Variants in SLIT2 observed in about 807,000 individuals in gnomAD.
SLIT2 encodes slit homolog 2 protein.
A neutral mutation model predicts 185.7 loss-of-function variants in SLIT2; 41 were observed. That is an observed-to-expected ratio of 0.22 (90% CI 0.17 to 0.29). SLIT2 has a LOEUF of 0.29. SLIT2 is among the 10% of genes least tolerant of loss of function. The pLI is 1.00. For missense variants in SLIT2, 1,571 were observed against 1,909.0 expected (o/e 0.82, Z 3.30); for synonymous variants, 693 against 680.2 (o/e 1.02, Z -0.29).
At chr4:20,513,943 G>T (rs1229715867) in intron 11 of SLIT2, among the ~76,000 whole-genome samples, 1 of 152,046 alleles carries the variant, frequency 6.6e-6, no homozygotes, top group East Asian at 1.9e-4. Context: ...GAGAGTAGTG[G>T]GTGCTTGAAA....
intron 4 of SLIT2, among the ~76,000 whole-genome samples, chr4:20,361,193 A>G (rs1722714375): frequency 6.6e-6 from 1 of 152,084 alleles, no homozygotes; most frequent in African/African-American, 2.4e-5. Flanking sequence ...GTCTCCAGAA[A>G]TTTCTTAGAG....
At chr4:20,618,716 A>C in intron 36 of SLIT2, 52 bp from the exon 37 acceptor site, 1 of 1,512,500 alleles carries the variant, frequency 6.6e-7, no homozygotes, top group Non-Finnish European at 8.9e-7. Flanking sequence ...GTCACTCTGC[A>C]TGACTTACAG....
At position 20,610,006 on chromosome 4, in the gene SLIT2, G is replaced by A. The variant is rs3733510; in HGVS notation, c.3693-7G>A. The A allele has an allele frequency of 0.044, 69,964 of 1,588,342 alleles. 2,249 individuals are homozygous for A. The highest frequency in any genetic ancestry group is 0.13 in the East Asian group (5,844 of 44,034). ...GGAAGAATCAGCCATTTTTTTTTCC[G>A]TTGTAGTGTGGAGACAATCAATGAT... On this transcript the variant is annotated splice_region_variant and splice_polypyrimidine_tract_variant and intron_variant, in intron 33 of 36. Transcript: ENST00000504154.
chr4:20,374,037 T>A (rs1202546387), intron 4 of SLIT2, among the ~76,000 whole-genome samples: 1 of 152,126 alleles, frequency 6.6e-6, no homozygotes, highest in African/African-American at 2.4e-5. Flanking sequence ...CAATTTAAAC[T>A]GCCTAAGTGT....
Position 20,567,367 on chromosome 4 carries a change from C to T in SLIT2, c.2831C>T (p.Thr944Ile), listed in dbSNP as rs764160355. The change falls in exon 27 of 37, where the codon ACC becomes ATC. Residue 944 changes from threonine to isoleucine, a missense_variant. This residue lies in a region of SLIT2 where 1,202 missense variants were observed against 1,416.4 expected (regional missense o/e 0.85). Transcript: ENST00000504154. ...GATCCAGTTGACTTTTACCGATGCA[C>T]CTGTCCATATGGTTTCAAGGTAAGT... ...NSDPVDFYRC[T>I]CPYGFKGQDC... 7 of 1,613,020 alleles carry T rather than the reference C, an allele frequency of 4.3e-6. No homozygotes were observed. The highest frequency in any genetic ancestry group is 2.7e-5 in the African/African-American group (2 of 74,808).
In SLIT2 at chr4:20,257,939, TGTAA is replaced by T. The variant is rs752439531; in HGVS notation, c.323+4_323+7del. On this transcript the variant is annotated splice_donor_variant and splice_donor_region_variant and intron_variant, in intron 3 of 36. Transcript: ENST00000504154. LOFTEE classifies it high-confidence loss of function. ...CAGGATCTTAAAGAACTAGAGAGAC[TGTAA>T]GTATTTTCAATTCCAAAGTTATGAC... is the stretch of plus-strand genomic sequence containing the variant. 5 of 1,418,904 alleles carry T rather than the reference TGTAA, an allele frequency of 3.5e-6. No homozygotes were observed. In the African/African-American group the frequency reaches 5.7e-5, roughly 16 times the overall value. 87.9% of individuals were successfully genotyped at this position (1,418,904 alleles called of 1,614,324 possible). A position where few individuals can be genotyped will look rare whatever the true frequency, so the allele number is the denominator to read the frequency against.
intron 4 of SLIT2, among the ~76,000 whole-genome samples, chr4:20,364,492 T>C (rs1000107704): frequency 6.6e-6 from 1 of 152,124 alleles, no homozygotes; most frequent in Non-Finnish European, 1.5e-5. Flanking sequence ...GTAACCATAC[T>C]CTAATAGTTT....
At chr4:20,266,512 C>A (rs1713052187) in intron 3 of SLIT2, among the ~76,000 whole-genome samples, 1 of 151,916 alleles carries the variant, frequency 6.6e-6, no homozygotes, top group Non-Finnish European at 1.5e-5. Context: ...AATGTAAATG[C>A]TAGGGCCTTG....
intron 31 of SLIT2, among the ~76,000 whole-genome samples, 184 bp from the exon 32 acceptor site, chr4:20,596,227 ATGAG>A (rs1727967776): frequency 6.6e-6 from 1 of 152,184 alleles, no homozygotes; most frequent in Non-Finnish European, 1.5e-5. Context: ...TTTAGACAGG[ATGAG>A]TAAGTTTGGA....
intron 4 of SLIT2, among the ~76,000 whole-genome samples, chr4:20,372,784 G>T (rs781472951): frequency 7.9e-5 from 12 of 152,016 alleles, no homozygotes; most frequent in Non-Finnish European, 1.3e-4. Context: ...CAAGTGTATT[G>T]ATTTGGGTGG....
At position 20,610,107 on chromosome 4, in the gene SLIT2, A is replaced by G. The variant is rs779290113; in HGVS notation, c.3787A>G (p.Ile1263Val). The G allele has an allele frequency of 2.5e-6, 4 of 1,613,698 alleles. No individual in the cohort carries two copies. The South Asian group carries it at 3.3e-5, about 13-fold the overall frequency. ...GTCCGTGGATGGTGGGAACCCCAAA[A>G]TCATCACTAACTTGTCAAAGCAGTC... ...SLSVDGGNPKIITNLSKQSTL... is the reference protein window; with the variant it reads ...SLSVDGGNPKVITNLSKQSTL... The change falls in exon 34 of 37, where the codon ATC becomes GTC. Residue 1263 changes from isoleucine to valine, a missense_variant. By Grantham distance (29) the Ile-to-Val change is conservative. This residue lies in a region of SLIT2 where 146 missense variants were observed against 247.4 expected (regional missense o/e 0.59). Transcript: ENST00000504154.
intron 10 of SLIT2, 97 bp downstream of exon 10, chr4:20,510,663 A>G: frequency 1.4e-6 from 1 of 705,726 alleles, no homozygotes. Context: ...TAAGTGTTTG[A>G]CAGCTTAAAT....
chr4:20,431,403 T>A (rs1728965011), intron 4 of SLIT2, among the ~76,000 whole-genome samples: 1 of 147,112 alleles, frequency 6.8e-6, no homozygotes, highest in African/African-American at 2.6e-5. Context: ...TTTATTTTTA[T>A]TTTTTTTAAA....
intron 4 of SLIT2, among the ~76,000 whole-genome samples, chr4:20,432,320 G>T (rs549872429): frequency 6.6e-6 from 1 of 152,262 alleles, no homozygotes; most frequent in African/African-American, 2.4e-5. Context: ...AGGATTAGGG[G>T]CGTTACGAAG....
chr4:20,280,022 G>A (rs1481412023), intron 4 of SLIT2, among the ~76,000 whole-genome samples: 2 of 152,074 alleles, frequency 1.3e-5, no homozygotes, highest in African/African-American at 2.4e-5. Context: ...TGTGAAAAAA[G>A]CACTGGATCA....
chr4:20,506,706 G>A (rs1403932113), intron 9 of SLIT2, among the ~76,000 whole-genome samples: 1 of 151,878 alleles, frequency 6.6e-6, no homozygotes, highest in East Asian at 1.9e-4. Flanking sequence ...CCAAAAGTTT[G>A]CAATAAGTAC....
At position 20,568,927 on chromosome 4, in the gene SLIT2, A is replaced by T. The variant is rs757809283; in HGVS notation, c.3011A>T (p.Asp1004Val). 1 of 1,612,438 alleles carries T rather than the reference A, an allele frequency of 6.2e-7. No individual in the cohort carries two copies. Among genetic ancestry groups the T allele is most frequent in the East Asian group, 2.2e-5 (1 of 44,800 alleles). The change falls in exon 29 of 37, where the codon GAT becomes GTT. Residue 1004 changes from aspartate (D) to valine (V), a missense_variant. Transcript: ENST00000504154. ...NCEVNVDDCE[D>V]NDCENNSTCV... ...GAAGTCAACGTTGATGATTGTGAAG[A>T]TAATGACTGTGAAAATAATTCTACA...
chr4:20,420,180 T>A (rs1009603086), intron 4 of SLIT2, among the ~76,000 whole-genome samples: 11 of 152,192 alleles, frequency 7.2e-5, no homozygotes, highest in Admixed American at 3.9e-4. Flanking sequence ...TCACTTCTAA[T>A]GCGTACATTT....
At chr4:20,533,402 G>C in intron 17 of SLIT2, 170 bp from the exon 18 acceptor site, 1 of 607,160 alleles carries the variant, frequency 1.6e-6, no homozygotes, top group South Asian at 2.1e-5. Flanking sequence ...TAGTATTATT[G>C]TCCCTTTGTC....
Sources: gnomAD v4.1 joint callset for allele counts (sites outside exome capture counted in the v4.1 genomes callset) on GRCh38, gnomAD v4.1.1 for gene constraint, gnomAD v4.1.1 regional missense constraint, MANE v1.5 for transcripts, NCBI Gene and HGNC (gene_info 2026-07-23, HGNC 2026-07-21) for gene names.